The following PLCB1 variants were observed in gnomAD, a reference collection of about 807,000 sequenced individuals.
PLCB1 encodes the protein 1-phosphatidylinositol 4,5-bisphosphate phosphodiesterase beta-1.
In PLCB1, 46 loss-of-function variants were observed where a neutral mutation model predicts 161.8. That is an observed-to-expected ratio of 0.28 (90% CI 0.22 to 0.36). The LOEUF (loss-of-function observed/expected upper bound fraction) is 0.36, where lower values mean the gene tolerates loss of function less well. PLCB1 is among the 10% of genes least tolerant of loss of function. The pLI is 1.00. For missense variants in PLCB1, 1,016 were observed against 1,472.5 expected (o/e 0.69, Z 5.07); for synonymous variants, 517 against 503.7 (o/e 1.03, Z -0.35).
chr20:8,624,277 TTA>T (rs1192994693), intron 3 of PLCB1, among the ~76,000 whole-genome samples: 1 of 152,192 alleles, frequency 6.6e-6, no homozygotes, highest in Non-Finnish European at 1.5e-5. Context: ...GAATATTGCA[TTA>T]AGTGCAGGGA....
chr20:8,717,836 T>A lies in PLCB1; in HGVS notation c.1501T>A (p.Ser501Thr), dbSNP rs763886018. ...SDSSSMFEPS[S>T]PGAGEADTES... ...CTCCTCCAGCATGTTCGAGCCCTCA[T>A]CCCCAGGAGCCGGTGAGGGGCTGGT... Residue 501 changes from serine (S) to threonine (T), a missense_variant, in exon 14 of 32, where the codon TCC (serine) becomes ACC (threonine). By Grantham distance (58) the Ser-to-Thr change is moderately conservative (BLOSUM62 1). Around this residue, in one of 10 missense-constraint regions of PLCB1, gnomAD observed 109 missense variants for 129.7 expected, o/e 0.84. Transcript: ENST00000338037. 6.2e-7 allele frequency: 1 copy of A among 1,606,326 alleles called. No individual in the cohort carries two copies. Among genetic ancestry groups the A allele is most frequent in the Non-Finnish European group, 8.5e-7 (1 of 1,178,014 alleles).
intron 3 of PLCB1, among the ~76,000 whole-genome samples, chr20:8,486,374 T>G (rs1381947611): frequency 6.6e-6 from 1 of 152,186 alleles, no homozygotes. Flanking sequence ...TTTCCCTTTT[T>G]AGACTTTCAA....
At chr20:8,444,769 T>C (rs113900662) in intron 3 of PLCB1, among the ~76,000 whole-genome samples, 16 of 152,292 alleles carry the variant, frequency 1.1e-4, no homozygotes, top group Middle Eastern at 3.4e-3. Context: ...TATCTCATTG[T>C]GGTTTTGATT....
intron 2 of PLCB1, among the ~76,000 whole-genome samples, chr20:8,282,012 T>C (rs891178366): frequency 6.6e-6 from 1 of 152,190 alleles, no homozygotes; most frequent in Admixed American, 6.6e-5. Flanking sequence ...AAATCAGCCT[T>C]ATTTATTTAC....
intron 3 of PLCB1, among the ~76,000 whole-genome samples, chr20:8,495,401 T>C (rs1487040924): frequency 4.3e-5 from 6 of 138,926 alleles, no homozygotes; most frequent in Admixed American, 7.1e-5. Flanking sequence ...TTTTTTTTTT[T>C]TTTTTTTTTT....
intron 9 of PLCB1, among the ~76,000 whole-genome samples, chr20:8,676,273 A>T (rs1187553973): frequency 6.6e-6 from 1 of 152,192 alleles, no homozygotes. Flanking sequence ...AGGCAGGGGA[A>T]TCACTTGAAC....
At chr20:8,156,488 A>G (rs575365327) in intron 2 of PLCB1, among the ~76,000 whole-genome samples, 34 of 152,356 alleles carry the variant, frequency 2.2e-4, no homozygotes, top group Non-Finnish European at 4.6e-4. Context: ...AGTGCTTAAC[A>G]ACTTAATATA....
At chr20:8,785,857 A>G (rs1455196664) in intron 27 of PLCB1, among the ~76,000 whole-genome samples, 3 of 152,198 alleles carry the variant, frequency 2.0e-5, no homozygotes, top group Admixed American at 6.5e-5. Context: ...AGTCAGGTGA[A>G]TGATAGAGAT....
chr20:8,159,785 C>T (rs187028230), intron 2 of PLCB1, among the ~76,000 whole-genome samples: 121 of 151,704 alleles, frequency 8.0e-4, no homozygotes, highest in African/African-American at 2.5e-3. Context: ...GTTGGGAGTT[C>T]GGAACCAGCC....
intron 2 of PLCB1, among the ~76,000 whole-genome samples, chr20:8,205,252 T>C (rs1288923917): frequency 6.6e-6 from 1 of 152,224 alleles, no homozygotes; most frequent in South Asian, 2.1e-4. Context: ...TGGTCTTCTC[T>C]GGCTTCTAAC....
intron 3 of PLCB1, among the ~76,000 whole-genome samples, chr20:8,589,614 T>C (rs1409291447): frequency 8.0e-5 from 11 of 137,318 alleles, no homozygotes; most frequent in Middle Eastern, 3.5e-3. Context: ...CTCTCTCTTT[T>C]TTTTTTTTTT....
At chr20:8,357,682 A>G (rs555260313) in intron 2 of PLCB1, among the ~76,000 whole-genome samples, 34 of 152,280 alleles carry the variant, frequency 2.2e-4, no homozygotes, top group Admixed American at 1.5e-3. Context: ...AAGAAAGAAA[A>G]AAGAAAAAAA....
chr20:8,284,427 T>G (rs933967412), intron 2 of PLCB1, among the ~76,000 whole-genome samples: 3 of 152,128 alleles, frequency 2.0e-5, no homozygotes, highest in African/African-American at 7.2e-5. Flanking sequence ...AAGAGTGGCC[T>G]GAGTTTTATT....
chr20:8,728,060 G>A (rs967924577), intron 17 of PLCB1, among the ~76,000 whole-genome samples: 15 of 151,990 alleles, frequency 9.9e-5, no homozygotes, highest in African/African-American at 3.4e-4. Context: ...ATTCATCAGT[G>A]GAAGAAGAAA....
At position 8,476,129 on chromosome 20, in the gene PLCB1, G is replaced by A. The variant is rs563679882; in HGVS notation, c.246+104679G>A. On this transcript the variant is annotated intron_variant, in intron 3 of 31. Coordinates refer to ENST00000338037, the MANE Select transcript of PLCB1 (RefSeq NM_015192.4). ...TGTCTTGGCCCCCACGGCTACTGGT[G>A]GTCACTTTTGCAAGAATGTTTCCTG... Among the ~76,000 whole-genome samples, 32 of 152,210 alleles carry A rather than the reference G, an allele frequency of 2.1e-4. No individual in the cohort carries two copies. The East Asian group carries it at 5.8e-3, about 28-fold the overall frequency.
intron 2 of PLCB1, among the ~76,000 whole-genome samples, chr20:8,345,300 T>C (rs1985962570): frequency 6.6e-6 from 1 of 152,202 alleles, no homozygotes; most frequent in Non-Finnish European, 1.5e-5. Flanking sequence ...TTGGTACCCT[T>C]GATTGATAGT....
chr20:8,793,557 C>A (rs1983872664), intron 31 of PLCB1, among the ~76,000 whole-genome samples: 1 of 151,956 alleles, frequency 6.6e-6, no homozygotes, highest in Non-Finnish European at 1.5e-5. Context: ...CCACAAGCCG[C>A]AAAAACCAGC....
At chr20:8,372,999 T>G (rs1986951316) in intron 3 of PLCB1, among the ~76,000 whole-genome samples, 1 of 152,188 alleles carries the variant, frequency 6.6e-6, no homozygotes, top group South Asian at 2.1e-4. Flanking sequence ...GGTACACAGC[T>G]TGCTTATCAG....
intron 3 of PLCB1, among the ~76,000 whole-genome samples, chr20:8,590,570 G>A (rs1028035358): frequency 6.6e-6 from 1 of 152,160 alleles, no homozygotes. Flanking sequence ...GAAGTCTGAC[G>A]TAGAGGTTAC....
Sources: allele counts gnomAD v4.1 joint callset (sites outside exome capture counted in the v4.1 genomes callset), GRCh38; gene constraint gnomAD v4.1.1; regional missense constraint gnomAD v4.1.1; transcripts MANE v1.5; gene names NCBI Gene and HGNC (gene_info 2026-07-23, HGNC 2026-07-21).